Variants in EXOC2 observed in about 807,000 individuals in gnomAD.
The protein encoded by EXOC2 is exocyst complex component 2.
EXOC2 carries 70 observed loss-of-function variants against 131.8 expected under a neutral mutation model. The observed-to-expected ratio is 0.53, with a 90% CI of 0.44 to 0.65. The LOEUF (loss-of-function observed/expected upper bound fraction) is 0.65, where lower values mean the gene tolerates loss of function less well. Among genes scored for constraint, EXOC2 ranks in the 30% least tolerant of loss-of-function variants. EXOC2 has a pLI of 0.00. For missense variants in EXOC2, 923 were observed against 1,108.6 expected, an observed-to-expected ratio of 0.83 and a Z score of 2.38; for synonymous variants, 411 against 398.4, an observed-to-expected ratio of 1.03 and a Z score of -0.38.
intron 1 of EXOC2, among the ~76,000 whole-genome samples, chr6:640,694 T>C (rs1469982290): frequency 6.6e-6 from 1 of 152,188 alleles, no homozygotes; most frequent in Non-Finnish European, 1.5e-5. Context: ...GAGAAGACGC[T>C]GTCTACAAGC....
chr6:665,953 A>G (rs545431564), intron 1 of EXOC2, among the ~76,000 whole-genome samples: 2 of 152,194 alleles, frequency 1.3e-5, no homozygotes, highest in Admixed American at 6.5e-5. Context: ...ATAAGAGTCA[A>G]AAAATTATAG....
At chr6:605,370 C>A (rs1375474549) in intron 7 of EXOC2, among the ~76,000 whole-genome samples, 1 of 152,180 alleles carries the variant, frequency 6.6e-6, no homozygotes, top group Non-Finnish European at 1.5e-5. Context: ...TAAAGTACAA[C>A]TAATATTTAA....
At chr6:680,603 C>T (rs1384855999) in intron 1 of EXOC2, among the ~76,000 whole-genome samples, 1 of 152,196 alleles carries the variant, frequency 6.6e-6, no homozygotes, top group African/African-American at 2.4e-5. Flanking sequence ...CAGCTGCTGG[C>T]TGGAGATCCA....
intron 26 of EXOC2, among the ~76,000 whole-genome samples, chr6:490,792 G>T (rs1391824466): frequency 2.6e-5 from 4 of 152,116 alleles, no homozygotes; most frequent in Non-Finnish European, 5.9e-5. Flanking sequence ...GAAACCACAA[G>T]GCTTCCTCTT....
At chr6:664,602 T>A (rs1288763771) in intron 1 of EXOC2, among the ~76,000 whole-genome samples, 1 of 152,052 alleles carries the variant, frequency 6.6e-6, no homozygotes, top group East Asian at 1.9e-4. Flanking sequence ...CACAGACCAG[T>A]GGAAAAGAAT....
intron 23 of EXOC2, among the ~76,000 whole-genome samples, chr6:518,482 C>G (rs762878629): frequency 6.6e-6 from 1 of 152,276 alleles, no homozygotes; most frequent in South Asian, 2.1e-4. Flanking sequence ...CAATTTAAAA[C>G]ATAATAAAAT....
At chr6:497,315 T>C (rs554855044) in intron 25 of EXOC2, 52 bp downstream of exon 25, 2 of 1,560,102 alleles carry the variant, frequency 1.3e-6, no homozygotes, top group Non-Finnish European at 1.8e-6. Context: ...AAACATTTTA[T>C]ATGCTTTAAA....
chr6:653,130 C>T (rs1221133652), intron 1 of EXOC2, among the ~76,000 whole-genome samples: 1 of 152,216 alleles, frequency 6.6e-6, no homozygotes, highest in East Asian at 1.9e-4. Flanking sequence ...AGCATTCTCT[C>T]TCCCTCTCCT....
intron 2 of EXOC2, among the ~76,000 whole-genome samples, chr6:636,983 G>A (rs1265890405): frequency 6.6e-6 from 1 of 152,176 alleles, no homozygotes; most frequent in Non-Finnish European, 1.5e-5. Flanking sequence ...GGGCTGAGAA[G>A]CACTCGCAGA....
At chr6:514,903 C>G (rs1470481127) in intron 23 of EXOC2, among the ~76,000 whole-genome samples, 1 of 152,184 alleles carries the variant, frequency 6.6e-6, no homozygotes, top group East Asian at 1.9e-4. Context: ...GCAGGGAGTT[C>G]TCCATGAAGT....
In EXOC2 at chr6:588,626, T is replaced by C. The variant is rs747440344; in HGVS notation, c.1192+3843A>G. ...CCTCGGCCTCCCAAAGTGTTGGGAT[T>C]ACAGGCGTGGGCCACCGCACCGGCC... On this transcript the variant is annotated intron_variant, in intron 11 of 27. Transcript: ENST00000230449. Among the ~76,000 whole-genome samples, 84 of 152,372 alleles carry C rather than the reference T, an allele frequency of 5.5e-4. 1 individual carries two copies. The highest frequency in any genetic ancestry group is 6.8e-3 in the Middle Eastern group (2 of 294).
intron 13 of EXOC2, among the ~76,000 whole-genome samples, chr6:565,223 A>G (rs1350290236): frequency 6.6e-6 from 1 of 152,262 alleles, no homozygotes; most frequent in Non-Finnish European, 1.5e-5. Context: ...ATTTTCACCA[A>G]CGATGTCGTA....
intron 10 of EXOC2, among the ~76,000 whole-genome samples, chr6:596,638 A>G (rs1023630369): frequency 2.0e-5 from 3 of 152,074 alleles, no homozygotes; most frequent in African/African-American, 7.2e-5. Flanking sequence ...AAGTGCTGGG[A>G]TCACAGGTCT....
intron 11 of EXOC2, among the ~76,000 whole-genome samples, chr6:582,241 ATT>A (rs35523446): frequency 0.6 from 90,772 of 151,570 alleles, 27,462 homozygotes; most frequent in East Asian, 0.74. Flanking sequence ...AATAGTCGGT[ATT>A]TTTTTTTTTA....
At chr6:655,963 A>G in intron 1 of EXOC2, 1 of 621,824 alleles carries the variant, frequency 1.6e-6, no homozygotes, top group East Asian at 2.7e-5. Flanking sequence ...TTTAATATAA[A>G]TTTTGCAAAG....
chr6:549,580 G>A (rs1405545012), intron 21 of EXOC2, among the ~76,000 whole-genome samples: 2 of 152,182 alleles, frequency 1.3e-5, no homozygotes, highest in African/African-American at 2.4e-5. Context: ...CCATTAACTA[G>A]GATCAGCTGG....
At position 570,136 on chromosome 6, in the gene EXOC2, C is replaced by CTT. The variant is rs11423850; in HGVS notation, c.1443+2382_1443+2383dup. Among the ~76,000 whole-genome samples, 488 of 139,852 alleles carry CTT rather than the reference C, an allele frequency of 3.5e-3. 4 individuals carry two copies. The highest frequency in any genetic ancestry group is 0.022 in the Middle Eastern group (6 of 274). The allele number at this position is 139,852 out of a possible 152,430, so 91.7% of individuals were successfully genotyped here. A position where few individuals can be genotyped will look rare whatever the true frequency, so the allele number is the denominator to read the frequency against. ...ATGTCCTAAAAGACTAATTCTTTCT[C>CTT]TTTTTTTTTTTTTTTGAGACGGAGT... On this transcript the variant is annotated intron_variant, in intron 13 of 27. Coordinates refer to ENST00000230449, the MANE Select transcript of EXOC2 (RefSeq NM_018303.6).
chr6:488,663 C>G (rs1581275901), intron 27 of EXOC2, among the ~76,000 whole-genome samples: 1 of 152,030 alleles, frequency 6.6e-6, no homozygotes. Context: ...GCTACTAATA[C>G]AGTTTACTGA....
chr6:553,075 A>C (rs1757231621), intron 21 of EXOC2, among the ~76,000 whole-genome samples: 1 of 151,950 alleles, frequency 6.6e-6, no homozygotes, highest in Non-Finnish European at 1.5e-5. Flanking sequence ...CCGACACCAC[A>C]CCAGACTAAT....
Sources: allele counts gnomAD v4.1 joint callset (sites outside exome capture counted in the v4.1 genomes callset), GRCh38; gene constraint gnomAD v4.1.1; transcripts MANE v1.5; gene names NCBI Gene and HGNC (gene_info 2026-07-23, HGNC 2026-07-21).